CTBP2: variants seen among roughly 807,000 people sequenced by gnomAD.
The protein encoded by CTBP2 is C-terminal binding protein 2.
Under a neutral mutation model 80.3 loss-of-function variants are expected in CTBP2, and 30 were observed. That is an observed-to-expected ratio of 0.37 (90% CI 0.28 to 0.51). CTBP2 has a LOEUF of 0.51. Ranked by LOEUF, CTBP2 falls within the 20% of genes least tolerant of loss-of-function variation. The pLI, the probability that CTBP2 is intolerant of heterozygous loss-of-function variation, is 0.93. For synonymous variants in CTBP2, 594 were observed against 587.4 expected, an observed-to-expected ratio of 1.01 and a Z score of -0.16; for missense variants, 1,212 against 1,375.3, an observed-to-expected ratio of 0.88 and a Z score of 1.88.
At chr10:125,114,124 G>A (rs1297349921) in intron 1 of CTBP2, among the ~76,000 whole-genome samples, 1 of 152,190 alleles carries the variant, frequency 6.6e-6, no homozygotes, top group Non-Finnish European at 1.5e-5. Context: ...ACTTCCAGGA[G>A]TATACAACGA....
chr10:125,160,483 G>C (rs1208335661), exon 1 of CTBP2: 7 of 143,702 alleles, frequency 4.9e-5, no homozygotes, highest in Non-Finnish European at 1.1e-4. Flanking sequence ...CTCGCTCCTC[G>C]GGCCGCCGCC....
intron 2 of CTBP2, among the ~76,000 whole-genome samples, chr10:125,072,489 GC>G (rs1355391145): frequency 9.9e-5 from 15 of 151,868 alleles, no homozygotes; most frequent in African/African-American, 3.4e-4. Context: ...GATGGCAGGC[GC>G]CTGTAATCCC....
chr10:125,073,658 G>C (rs1284672605), intron 2 of CTBP2, among the ~76,000 whole-genome samples: 1 of 152,220 alleles, frequency 6.6e-6, no homozygotes, highest in Non-Finnish European at 1.5e-5. Flanking sequence ...CAACTGCCTT[G>C]ATTCATATAG....
chr10:125,012,073 G>A (rs988420585), intron 1 of CTBP2, among the ~76,000 whole-genome samples: 1 of 152,252 alleles, frequency 6.6e-6, no homozygotes, highest in African/African-American at 2.4e-5. Context: ...GATCCGTGAA[G>A]GGACATCACC....
chr10:125,143,264 G>A (rs772302463), intron 1 of CTBP2, among the ~76,000 whole-genome samples: 2 of 152,120 alleles, frequency 1.3e-5, no homozygotes, highest in South Asian at 2.1e-4. Context: ...GAGGCAGGCC[G>A]ACCACCTGAG....
intron 2 of CTBP2, among the ~76,000 whole-genome samples, chr10:125,085,103 A>AC (rs1847783594): frequency 6.6e-6 from 1 of 151,934 alleles, no homozygotes. Context: ...ATTACCTTCA[A>AC]CCCTCACGTC....
At chr10:125,079,439 G>C (rs77289652) in intron 2 of CTBP2, among the ~76,000 whole-genome samples, 23,009 of 152,162 alleles carry the variant, frequency 0.15, 1,837 homozygotes, top group Middle Eastern at 0.24. Flanking sequence ...AAAATCTAGG[G>C]ATTCAGTCCT....
At chr10:124,989,793 G>A (rs1952342365) in intron 8 of CTBP2, 95 bp from the exon 11 acceptor site, 1 of 1,228,354 alleles carries the variant, frequency 8.1e-7, no homozygotes, top group East Asian at 2.6e-5. Flanking sequence ...AGAGACAGGA[G>A]CCCAGTGACA....
At chr10:125,064,144 T>C (rs1844271743) in intron 2 of CTBP2, among the ~76,000 whole-genome samples, 1 of 152,142 alleles carries the variant, frequency 6.6e-6, no homozygotes, top group Non-Finnish European at 1.5e-5. Context: ...TGGAAGACAG[T>C]TAGATGGTGA....
At chr10:125,159,290 A>C (rs966928179) in intron 1 of CTBP2, among the ~76,000 whole-genome samples, 1 of 148,992 alleles carries the variant, frequency 6.7e-6, no homozygotes, top group Admixed American at 6.6e-5. Context: ...CCCCACCCGA[A>C]AAGTGCGGCC....
chr10:125,152,451 G>A (rs1485778670), intron 1 of CTBP2, among the ~76,000 whole-genome samples: 1 of 152,196 alleles, frequency 6.6e-6, no homozygotes, highest in Non-Finnish European at 1.5e-5. Context: ...GGCGCCCCAG[G>A]CCCCCCACAC....
rs764140215 is a variant in CTBP2 at position 125,026,567 on chromosome 10, C to CG, written c.1192dup (p.Arg398ProfsTer68). 1.3e-6 allele frequency: 2 copies of CG among 1,541,352 alleles called. No individual in the cohort carries two copies. Among genetic ancestry groups the CG allele is most frequent in the Non-Finnish European group, 1.7e-6 (2 of 1,145,180 alleles). Reference sequence around the variant, plus strand: ...GGGACGGCGAGCCGGGTCTCCAGCTCGGGGGGATGCTGTCTGCAGAGGAGC... The same window carrying CG: ...GGGACGGCGAGCCGGGTCTCCAGCTCGGGGGGGATGCTGTCTGCAGAGGAGC... On this transcript the variant is annotated frameshift_variant, in exon 1 of 9. Coordinates refer to ENST00000309035, the MANE Select transcript of CTBP2 (RefSeq NM_022802.3). LOFTEE classifies it high-confidence loss of function.
At chr10:125,090,333 G>A (rs1303435519) in intron 2 of CTBP2, among the ~76,000 whole-genome samples, 5 of 142,642 alleles carry the variant, frequency 3.5e-5, no homozygotes, top group African/African-American at 1.4e-4. Context: ...GCTGAAACAT[G>A]AAACAGTGAA....
intron 1 of CTBP2, chr10:125,005,760 T>C: frequency 6.2e-7 from 1 of 1,612,894 alleles, no homozygotes; most frequent in Middle Eastern, 1.6e-4. Flanking sequence ...TGGCCCCTAC[T>C]TGAGGTCTGA....
In CTBP2 at chr10:125,052,306, C is replaced by T. The variant is rs546525691; in HGVS notation, c.-101-13151G>A. ...CTCGCCCCAGACAGCTCAACACGCA[C>T]GGCCTGAGGTGTGCCCGTGGCCATT... is the stretch of plus-strand genomic sequence containing the variant. On this transcript the variant is annotated intron_variant, in intron 2 of 10. Transcript: ENST00000337195. Among the ~76,000 whole-genome samples the T allele has an allele frequency of 3.3e-5, 5 of 152,200 alleles. No homozygotes were observed. In the South Asian group the frequency reaches 6.2e-4, roughly 19 times the overall value.
At chr10:125,040,594 C>CCACACACA (rs1478224701) in intron 2 of CTBP2, among the ~76,000 whole-genome samples, 3 of 92,746 alleles carry the variant, frequency 3.2e-5, no homozygotes, top group African/African-American at 5.8e-5. Context: ...ACCACCACAA[C>CCACACACA]CACATACACA....
At chr10:125,098,272 A>C (rs1429123775) in intron 2 of CTBP2, among the ~76,000 whole-genome samples, 2 of 152,146 alleles carry the variant, frequency 1.3e-5, no homozygotes, top group African/African-American at 4.8e-5. Context: ...TGGACCCAGC[A>C]CGTGTTCAGC....
chr10:125,109,245 G>T (rs1016846707), intron 2 of CTBP2, among the ~76,000 whole-genome samples: 1 of 152,314 alleles, frequency 6.6e-6, no homozygotes, highest in Admixed American at 6.5e-5. Context: ...TCCATCCAGC[G>T]GAGATGCTCC....
intron 2 of CTBP2, among the ~76,000 whole-genome samples, chr10:125,090,285 C>CAAAAAAAAAAAAA (rs56714830): frequency 0.045 from 2,899 of 64,584 alleles, 164 homozygotes; most frequent in Non-Finnish European, 0.061. Flanking sequence ...GTCCCTGGCT[C>CAAAAAAAAAAAAA]AAAAAAAAAA....
Sources: gnomAD v4.1 joint callset for allele counts (sites outside exome capture counted in the v4.1 genomes callset) on GRCh38, gnomAD v4.1.1 for gene constraint, MANE v1.5 for transcripts, NCBI Gene and HGNC (gene_info 2026-07-23, HGNC 2026-07-21) for gene names.